The following CCDC146 variants were observed in gnomAD, a reference collection of about 807,000 sequenced individuals.
The protein encoded by CCDC146 is coiled-coil domain containing 146.
CCDC146 carries 92 observed loss-of-function variants against 119.3 expected under a neutral mutation model. That is an observed-to-expected ratio of 0.77 (90% CI 0.65 to 0.92). CCDC146 has a LOEUF of 0.92. Among genes scored for constraint, CCDC146 ranks in the 40% least tolerant of loss-of-function variants. The pLI is 0.00. For synonymous variants in CCDC146, 372 were observed against 371.8 expected (o/e 1.00, Z -0.01); for missense variants, 1,000 against 1,103.0 (o/e 0.91, Z 1.32).
At chr7:77,228,771 C>A (rs1338636781) in intron 2 of CCDC146, among the ~76,000 whole-genome samples, 3 of 152,230 alleles carry the variant, frequency 2.0e-5, no homozygotes, top group African/African-American at 7.2e-5. Flanking sequence ...ACACTCCCAC[C>A]AACAGTGTAT....
intron 11 of CCDC146, among the ~76,000 whole-genome samples, chr7:77,276,281 G>T (rs1384536868): frequency 6.7e-6 from 1 of 149,954 alleles, no homozygotes; most frequent in Non-Finnish European, 1.5e-5. Context: ...CACATCCCTT[G>T]TTCTCAGTCT....
chr7:77,152,720 T>G (rs3114346), intron 1 of CCDC146, among the ~76,000 whole-genome samples: 89,148 of 151,930 alleles, frequency 0.59, 26,432 homozygotes, highest in African/African-American at 0.65. Context: ...AATTCATGCC[T>G]AAAAGGACCC....
chr7:77,244,202 AG>A (rs754844497), intron 4 of CCDC146, among the ~76,000 whole-genome samples: 1 of 152,258 alleles, frequency 6.6e-6, no homozygotes. Flanking sequence ...ATTTTTACAC[AG>A]CTCTACAATG....
intron 4 of CCDC146, among the ~76,000 whole-genome samples, chr7:77,250,661 T>G (rs1159250738): frequency 6.6e-6 from 1 of 152,158 alleles, no homozygotes; most frequent in Non-Finnish European, 1.5e-5. Flanking sequence ...TTGAGCTTCC[T>G]CGATCTGTAG....
chr7:77,210,553 C>A (rs1249313001), intron 2 of CCDC146, among the ~76,000 whole-genome samples: 1 of 152,214 alleles, frequency 6.6e-6, no homozygotes, highest in Non-Finnish European at 1.5e-5. Context: ...CCAAACTGTT[C>A]CAACCTCTGC....
intron 1 of CCDC146, among the ~76,000 whole-genome samples, chr7:77,123,137 C>A (rs1229359993): frequency 6.7e-6 from 1 of 150,236 alleles, no homozygotes; most frequent in Non-Finnish European, 1.5e-5. Context: ...TTTCAACGTA[C>A]TTAACATTGA....
At chr7:77,231,884 T>C (rs1171370511) in intron 2 of CCDC146, among the ~76,000 whole-genome samples, 1 of 152,014 alleles carries the variant, frequency 6.6e-6, no homozygotes, top group East Asian at 1.9e-4. Context: ...GGGTCATATT[T>C]TCTTGTTTCC....
chr7:77,294,310 C>T (rs1369232390), intron 18 of CCDC146, among the ~76,000 whole-genome samples: 1 of 152,200 alleles, frequency 6.6e-6, no homozygotes, highest in African/African-American at 2.4e-5. Flanking sequence ...CTTTGAAAAA[C>T]ACTAAACTCC....
intron 17 of CCDC146, among the ~76,000 whole-genome samples, chr7:77,287,785 C>T (rs759623229): frequency 9.9e-5 from 15 of 152,096 alleles, no homozygotes; most frequent in Non-Finnish European, 1.9e-4. Flanking sequence ...GGTGGCAAAA[C>T]CTAGGCTTTT....
chr7:77,250,828 C>CTTTTTTTT (rs145334670), intron 4 of CCDC146, among the ~76,000 whole-genome samples: 1 of 133,232 alleles, frequency 7.5e-6, no homozygotes, highest in Non-Finnish European at 1.6e-5. Flanking sequence ...TTTTCCTAGT[C>CTTTTTTTT]TTTTTTTTTT....
At chr7:77,258,084 C>T (rs1476232616) in intron 6 of CCDC146, 1 of 152,080 alleles carries the variant, frequency 6.6e-6, no homozygotes, top group South Asian at 2.1e-4. Flanking sequence ...AATACAGCTG[C>T]TTCAGAACTC....
chr7:77,295,041 T>C lies in CCDC146; in HGVS notation c.*175T>C. 1.7e-6 allele frequency: 1 copy of C among 597,282 alleles called. No individual in the cohort carries two copies. Among genetic ancestry groups the C allele is most frequent in the Non-Finnish European group, 3.0e-6 (1 of 337,652 alleles). The allele number at this position is 597,282 out of a possible 1,614,324, so 37.0% of individuals were successfully genotyped here. The stretch of plus-strand genomic sequence containing the variant: ...ATTTACCCACCAACTACTATACCTT[T>C]CATGACGTTGAATGGGACATAGAAC... On this transcript the variant is annotated 3_prime_UTR_variant, in exon 19 of 19. Coordinates refer to ENST00000285871, the MANE Select transcript of CCDC146 (RefSeq NM_020879.3).
At chr7:77,233,966 T>G (rs770299998) in intron 2 of CCDC146, among the ~76,000 whole-genome samples, 2 of 152,162 alleles carry the variant, frequency 1.3e-5, no homozygotes, top group Non-Finnish European at 2.9e-5. Context: ...AGAGCCTATG[T>G]TATATTCATT....
chr7:77,213,983 C>G (rs1010998330), intron 2 of CCDC146, among the ~76,000 whole-genome samples: 1 of 152,122 alleles, frequency 6.6e-6, no homozygotes, highest in Admixed American at 6.5e-5. Context: ...AGAATCCCAG[C>G]AGTGGGAGTG....
rs148774713 is a variant in CCDC146, at chr7:77,170,696, A to G, written c.156+2872A>G. Reference sequence around the variant, plus strand: ...AAAGGTCTGATATCTGGAATCTATAAGGAACTTAGACAAATCAACAAGCAA... The same window carrying G: ...AAAGGTCTGATATCTGGAATCTATAGGGAACTTAGACAAATCAACAAGCAA... On this transcript the variant is annotated intron_variant, in intron 2 of 18. Transcript: ENST00000285871. Among the ~76,000 whole-genome samples the G allele has an allele frequency of 5.8e-3, 891 of 152,354 alleles. 16 individuals are homozygous for G. The highest frequency in any genetic ancestry group is 0.02 in the African/African-American group (834 of 41,590).
intron 3 of CCDC146, among the ~76,000 whole-genome samples, chr7:77,237,957 C>A (rs1792769134): frequency 6.6e-6 from 1 of 152,192 alleles, no homozygotes; most frequent in South Asian, 2.1e-4. Flanking sequence ...AAACTCCATG[C>A]TGCCACTCCC....
At chr7:77,214,224 T>C (rs1477261002) in intron 2 of CCDC146, among the ~76,000 whole-genome samples, 1 of 152,166 alleles carries the variant, frequency 6.6e-6, no homozygotes, top group Non-Finnish European at 1.5e-5. Context: ...CAAGCATTTT[T>C]TCATATGATT....
At chr7:77,216,460 A>G (rs1266399349) in intron 2 of CCDC146, among the ~76,000 whole-genome samples, 3 of 152,182 alleles carry the variant, frequency 2.0e-5, no homozygotes, top group Non-Finnish European at 4.4e-5. Context: ...GCCTCAGGCC[A>G]GCTTTGTGAC....
At chr7:77,131,575 A>G (rs1790786143) in intron 1 of CCDC146, among the ~76,000 whole-genome samples, 1 of 152,050 alleles carries the variant, frequency 6.6e-6, no homozygotes, top group South Asian at 2.1e-4. Context: ...AAGATTACCC[A>G]GGCATGGTGG....
Sources: gnomAD v4.1 joint callset for allele counts (sites outside exome capture counted in the v4.1 genomes callset) on GRCh38, gnomAD v4.1.1 for gene constraint, MANE v1.5 for transcripts, NCBI Gene and HGNC (gene_info 2026-07-23, HGNC 2026-07-21) for gene names.